Variants in GRIA4 observed in about 807,000 individuals in gnomAD.
GRIA4 encodes the protein glutamate receptor 4.
Under a neutral mutation model 104.0 loss-of-function variants are expected in GRIA4, and 34 were observed. The observed-to-expected ratio is 0.33, with a 90% CI of 0.25 to 0.44. GRIA4 has a LOEUF of 0.44. Ranked by LOEUF, GRIA4 falls within the 20% of genes least tolerant of loss-of-function variation. GRIA4 has a pLI of 1.00. For synonymous variants in GRIA4, 386 were observed against 381.9 expected, an observed-to-expected ratio of 1.01 and a Z score of -0.13; for missense variants, 750 against 1,096.5, an observed-to-expected ratio of 0.68 and a Z score of 4.46.
chr11:105,745,019 A>G (rs2135668810), intron 3 of GRIA4, among the ~76,000 whole-genome samples: 3 of 152,248 alleles, frequency 2.0e-5, no homozygotes, highest in Middle Eastern at 6.8e-3. Context: ...CATGAAAAAC[A>G]TTTTTTAAGT....
chr11:105,835,354 T>C (rs1014767657), intron 4 of GRIA4, among the ~76,000 whole-genome samples: 4 of 152,070 alleles, frequency 2.6e-5, no homozygotes, highest in Non-Finnish European at 5.9e-5. Flanking sequence ...TTATAAATTA[T>C]ACAAAGGTCG....
chr11:105,625,538 A>G (rs919088958), intron 3 of GRIA4, among the ~76,000 whole-genome samples: 2 of 152,122 alleles, frequency 1.3e-5, no homozygotes, highest in Non-Finnish European at 1.5e-5. Context: ...GGCATTCTGG[A>G]TGTCCCCTGG....
intron 3 of GRIA4, among the ~76,000 whole-genome samples, chr11:105,666,143 T>C (rs1352823066): frequency 6.6e-6 from 1 of 152,050 alleles, no homozygotes; most frequent in Non-Finnish European, 1.5e-5. Flanking sequence ...CTTTAAACCA[T>C]GGCCTCTGAA....
chr11:105,627,843 G>A (rs994635780), intron 3 of GRIA4, among the ~76,000 whole-genome samples: 1 of 152,142 alleles, frequency 6.6e-6, no homozygotes, highest in African/African-American at 2.4e-5. Context: ...TATAGATGCC[G>A]ATAGAACACT....
chr11:105,653,233 G>A (rs1951735097), intron 3 of GRIA4, among the ~76,000 whole-genome samples: 2 of 152,248 alleles, frequency 1.3e-5, no homozygotes, highest in African/African-American at 4.8e-5. Flanking sequence ...ATTTATTTGA[G>A]CACTTTCATC....
At chr11:105,913,005 T>C (rs1217803402) in intron 10 of GRIA4, 1 of 947,278 alleles carries the variant, frequency 1.1e-6, no homozygotes, top group East Asian at 1.2e-4. Context: ...ATTGATATGG[T>C]GTTATTGTTC....
intron 4 of GRIA4, among the ~76,000 whole-genome samples, chr11:105,762,896 A>C (rs902911920): frequency 6.6e-6 from 1 of 152,204 alleles, no homozygotes; most frequent in Non-Finnish European, 1.5e-5. Flanking sequence ...AGAACAGGCT[A>C]ATACATAGAT....
At chr11:105,812,776 A>G (rs951530679) in intron 4 of GRIA4, among the ~76,000 whole-genome samples, 3 of 152,110 alleles carry the variant, frequency 2.0e-5, no homozygotes, top group African/African-American at 7.2e-5. Context: ...GGAAGGGAAG[A>G]TTATGAAAAA....
intron 3 of GRIA4, among the ~76,000 whole-genome samples, chr11:105,683,855 G>A (rs550100459): frequency 1.3e-5 from 2 of 152,116 alleles, no homozygotes; most frequent in African/African-American, 4.8e-5. Context: ...AGAAGATACA[G>A]AAGAAATAGA....
At chr11:105,843,271 A>G (rs1056958460) in intron 4 of GRIA4, among the ~76,000 whole-genome samples, 14 of 152,202 alleles carry the variant, frequency 9.2e-5, no homozygotes, top group African/African-American at 3.4e-4. Context: ...TAGAATTGGC[A>G]GTGGAATTTG....
At position 105,866,551 on chromosome 11, in the gene GRIA4, G is replaced by GTATATATATATATATA. The variant is rs71041633; in HGVS notation, c.672+4361_672+4376dup. On this transcript the variant is annotated intron_variant, in intron 5 of 16. Transcript: ENST00000282499. Reference sequence around the variant, plus strand: ...TATACGCATATGTGTGTGTGTGTGTGTATATATATATATATATATATATAT... The same window carrying GTATATATATATATATA: ...TATACGCATATGTGTGTGTGTGTGTGTATATATATATATATATATATATATATATATATATATATAT... Among the ~76,000 whole-genome samples, 351 of 76,584 alleles carry GTATATATATATATATA rather than the reference G, an allele frequency of 4.6e-3. 5 individuals are homozygous for GTATATATATATATATA. The highest frequency in any genetic ancestry group is 0.017 in the African/African-American group (266 of 15,232). The allele number at this position is 76,584 out of a possible 152,430, so 50.2% of individuals were successfully genotyped here.
chr11:105,962,415 G>C (rs1395147679), intron 14 of GRIA4, among the ~76,000 whole-genome samples: 2 of 152,124 alleles, frequency 1.3e-5, no homozygotes, highest in Admixed American at 6.5e-5. Flanking sequence ...TAAAGCTTTG[G>C]TTTTATATGA....
chr11:105,734,261 C>T (rs901065842), intron 3 of GRIA4, among the ~76,000 whole-genome samples: 2 of 151,822 alleles, frequency 1.3e-5, no homozygotes, highest in Admixed American at 6.6e-5. Flanking sequence ...CAGCATTCAG[C>T]CAGTTGCTTT....
At chr11:105,704,432 G>A (rs1953619368) in intron 3 of GRIA4, among the ~76,000 whole-genome samples, 1 of 152,052 alleles carries the variant, frequency 6.6e-6, no homozygotes. Flanking sequence ...AAACTGGCCA[G>A]TGTGGTTATA....
chr11:105,910,689 T>G, intron 10 of GRIA4, 144 bp downstream of exon 10: 1 of 571,218 alleles, frequency 1.8e-6, no homozygotes, highest in South Asian at 2.3e-5. Flanking sequence ...ATTGAGGCTT[T>G]GAATAGGTTC....
chr11:105,854,889 T>A (rs1227608668), intron 4 of GRIA4, among the ~76,000 whole-genome samples: 1 of 152,220 alleles, frequency 6.6e-6, no homozygotes, highest in Non-Finnish European at 1.5e-5. Context: ...TTAGTGGGGT[T>A]ATGCTTTGAT....
intron 4 of GRIA4, among the ~76,000 whole-genome samples, chr11:105,767,707 C>T (rs1205520393): frequency 1.3e-5 from 2 of 152,076 alleles, no homozygotes; most frequent in African/African-American, 4.8e-5. Context: ...AAGCTTTACA[C>T]ATATAAATGA....
At chr11:105,733,398 C>G (rs1268005622) in intron 3 of GRIA4, among the ~76,000 whole-genome samples, 1 of 152,074 alleles carries the variant, frequency 6.6e-6, no homozygotes, top group Non-Finnish European at 1.5e-5. Context: ...ATTTTTGTAT[C>G]TTTAAGGATT....
intron 11 of GRIA4, among the ~76,000 whole-genome samples, chr11:105,921,740 A>G (rs1390869403): frequency 6.6e-6 from 1 of 152,108 alleles, no homozygotes; most frequent in Non-Finnish European, 1.5e-5. Flanking sequence ...TCACAGAACA[A>G]TGTAGTATGT....
Sources: allele counts gnomAD v4.1 joint callset (sites outside exome capture counted in the v4.1 genomes callset), GRCh38; gene constraint gnomAD v4.1.1; transcripts MANE v1.5; gene names NCBI Gene and HGNC (gene_info 2026-07-23, HGNC 2026-07-21).